The following MMP16 variants were observed in gnomAD, a reference collection of about 807,000 sequenced individuals.
MMP16 encodes the protein matrix metalloproteinase-16.
In MMP16, 12 loss-of-function variants were observed where a neutral mutation model predicts 67.8. The observed-to-expected ratio is 0.18, with a 90% CI of 0.11 to 0.29. The LOEUF is 0.29. MMP16 is among the 10% of genes least tolerant of loss of function. The pLI, the probability that MMP16 is intolerant of heterozygous loss-of-function variation, is 1.00. For synonymous variants in MMP16, 249 were observed against 255.9 expected (o/e 0.97, Z 0.26); for missense variants, 475 against 765.7 (o/e 0.62, Z 4.48).
chr8:88,062,120 T>C (rs890812514), intron 7 of MMP16, among the ~76,000 whole-genome samples: 23 of 152,102 alleles, frequency 1.5e-4, no homozygotes, highest in African/African-American at 5.6e-4. Context: ...ATTTTCTGAG[T>C]GTTTATTGAG....
chr8:88,294,338 A>G (rs1810973108), intron 1 of MMP16, among the ~76,000 whole-genome samples: 1 of 151,130 alleles, frequency 6.6e-6, no homozygotes, highest in Non-Finnish European at 1.5e-5. Flanking sequence ...ATGTCTATAT[A>G]TGTGTATATG....
chr8:88,072,979 C>T (rs1237481588), intron 7 of MMP16, among the ~76,000 whole-genome samples: 4 of 152,062 alleles, frequency 2.6e-5, no homozygotes, highest in Non-Finnish European at 2.9e-5. Flanking sequence ...GAGAAGGCCC[C>T]GAGGCCATAA....
chr8:88,162,409 C>T (rs73694256), intron 4 of MMP16, among the ~76,000 whole-genome samples: 18,700 of 151,906 alleles, frequency 0.12, 1,357 homozygotes, highest in East Asian at 0.2. Context: ...TGAGAGAGTT[C>T]GTTCTCCAGT....
chr8:88,131,987 G>C (rs1301821317), intron 4 of MMP16, among the ~76,000 whole-genome samples: 6 of 151,792 alleles, frequency 4.0e-5, no homozygotes, highest in Non-Finnish European at 7.4e-5. Context: ...CAAGGGATAT[G>C]TCTTCTGCAG....
At chr8:88,211,306 G>C (rs1287752538) in intron 1 of MMP16, among the ~76,000 whole-genome samples, 1 of 152,140 alleles carries the variant, frequency 6.6e-6, no homozygotes, top group Non-Finnish European at 1.5e-5. Flanking sequence ...CCACAAGGTT[G>C]TAAGTTATAA....
chr8:88,241,086 T>G (rs550250389), intron 1 of MMP16, among the ~76,000 whole-genome samples: 43 of 151,938 alleles, frequency 2.8e-4, no homozygotes, highest in African/African-American at 6.5e-4. Context: ...GTTTTGTTTT[T>G]TTTTTTTCTT....
chr8:88,224,424 A>G (rs973213126), intron 1 of MMP16, among the ~76,000 whole-genome samples: 15 of 151,990 alleles, frequency 9.9e-5, no homozygotes, highest in African/African-American at 3.1e-4. Context: ...ACCTTTTCCC[A>G]GTATGCTTGT....
At chr8:88,317,950 T>A (rs1811399652) in intron 1 of MMP16, among the ~76,000 whole-genome samples, 1 of 152,166 alleles carries the variant, frequency 6.6e-6, no homozygotes, top group African/African-American at 2.4e-5. Flanking sequence ...CTGAAAAATG[T>A]CGCTTTATAT....
chr8:88,115,941 T>C (rs1035843813), intron 6 of MMP16, among the ~76,000 whole-genome samples: 1 of 152,102 alleles, frequency 6.6e-6, no homozygotes, highest in Non-Finnish European at 1.5e-5. Context: ...AAAAATAATA[T>C]AAATTAGTTA....
chr8:88,058,802 T>C lies in MMP16; in HGVS notation c.1223-2524A>G, dbSNP rs995289901. 1.3e-5 allele frequency among the ~76,000 whole-genome samples: 2 copies of C among 152,126 alleles called. No individual in the cohort carries two copies. The highest frequency in any genetic ancestry group is 4.8e-5 in the African/African-American group (2 of 41,452). ...TAACCCCTGTAGGAGTTGAACTTTA[T>C]TCTAAATGAAATAGGAAGTCATTGA... is the stretch of plus-strand genomic sequence containing the variant. On this transcript the variant is annotated intron_variant, in intron 7 of 9. Coordinates refer to ENST00000286614, the MANE Select transcript of MMP16 (RefSeq NM_005941.5). The surrounding 1 kb of genome is among the most constrained non-coding windows in gnomAD (Gnocchi z 4.2).
At chr8:88,191,487 G>T (rs1339147160) in intron 2 of MMP16, among the ~76,000 whole-genome samples, 1 of 152,134 alleles carries the variant, frequency 6.6e-6, no homozygotes, top group Non-Finnish European at 1.5e-5. Context: ...GGTAGAAGCA[G>T]CAGCAGCGTA....
intron 3 of MMP16, among the ~76,000 whole-genome samples, chr8:88,174,145 A>G (rs549374516): frequency 6.6e-6 from 1 of 152,342 alleles, no homozygotes; most frequent in East Asian, 1.9e-4. Context: ...TCATTCATTT[A>G]AAAACAAGCG....
chr8:88,196,470 C>A (rs1809258678), intron 2 of MMP16, among the ~76,000 whole-genome samples: 1 of 152,136 alleles, frequency 6.6e-6, no homozygotes, highest in African/African-American at 2.4e-5. Flanking sequence ...CCTTCTGAAT[C>A]TGTACATGCT....
intron 1 of MMP16, among the ~76,000 whole-genome samples, chr8:88,326,331 C>A (rs536681369): frequency 1.1e-4 from 17 of 152,270 alleles, no homozygotes; most frequent in Non-Finnish European, 2.2e-4. Context: ...GCCGTCTGTT[C>A]CCAAAGCTAT....
chr8:88,039,356 T>A lies in MMP16; in HGVS notation c.*2105A>T, dbSNP rs1177134588. ...TTCTACCTATAGGGCATTTTCAGAG[T>A]GTGCATGTAAAGAGCAAAGTGTCCA... is the stretch of plus-strand genomic sequence containing the variant. On this transcript the variant is annotated 3_prime_UTR_variant, in exon 10 of 10. Coordinates refer to ENST00000286614, the MANE Select transcript of MMP16 (RefSeq NM_005941.5). This position sits in a 1 kb window ranked among gnomAD's most constrained non-coding sequence, Gnocchi z 4.5. 1.3e-5 allele frequency: 2 copies of A among 152,336 alleles called. No homozygotes were observed. Among genetic ancestry groups the A allele is most frequent in the Non-Finnish European group, 2.9e-5 (2 of 67,978 alleles). 9.4% of individuals were successfully genotyped at this position (152,336 alleles called of 1,614,324 possible).
At chr8:88,245,282 C>A (rs894688351) in intron 1 of MMP16, among the ~76,000 whole-genome samples, 1 of 152,190 alleles carries the variant, frequency 6.6e-6, no homozygotes, top group Non-Finnish European at 1.5e-5. Context: ...AATAAATATA[C>A]AGGCTGTTCC....
At chr8:88,221,356 T>C (rs956070595) in intron 1 of MMP16, among the ~76,000 whole-genome samples, 1 of 152,086 alleles carries the variant, frequency 6.6e-6, no homozygotes, top group Non-Finnish European at 1.5e-5. Flanking sequence ...GCCCTCCAAT[T>C]AGCAAGGCTG....
At chr8:88,099,428 T>C (rs1432977847) in intron 6 of MMP16, among the ~76,000 whole-genome samples, 4 of 151,898 alleles carry the variant, frequency 2.6e-5, no homozygotes, top group Non-Finnish European at 4.4e-5. Context: ...AAAAGTATCA[T>C]ACATTTCAAA....
At chr8:88,176,782 CT>C (rs1808898592) in intron 3 of MMP16, among the ~76,000 whole-genome samples, 1 of 152,150 alleles carries the variant, frequency 6.6e-6, no homozygotes, top group African/African-American at 2.4e-5. Flanking sequence ...GCCTATTAAT[CT>C]ATCTTTGTGC....
Sources: gnomAD v4.1 joint callset for allele counts (sites outside exome capture counted in the v4.1 genomes callset) on GRCh38, gnomAD v4.1.1 for gene constraint, Gnocchi (gnomAD v3.1) non-coding constraint, MANE v1.5 for transcripts, NCBI Gene and HGNC (gene_info 2026-07-23, HGNC 2026-07-21) for gene names.